GRM4: variants seen among roughly 807,000 people sequenced by gnomAD.
GRM4 encodes glutamate metabotropic receptor 4.
In GRM4, 28 loss-of-function variants were observed where a neutral mutation model predicts 81.7. The ratio of observed to expected loss-of-function variants is 0.34; its 90% confidence interval spans 0.25 to 0.47. The LOEUF (loss-of-function observed/expected upper bound fraction) is 0.47. GRM4 is among the 20% of genes least tolerant of loss of function. The pLI is 1.00. For missense variants in GRM4, 948 were observed against 1,290.0 expected (o/e 0.73, Z 4.06); for synonymous variants, 488 against 528.8 (o/e 0.92, Z 1.06).
At chr6:34,145,636 A>G (rs1770899241) in intron 1 of GRM4, among the ~76,000 whole-genome samples, 1 of 152,114 alleles carries the variant, frequency 6.6e-6, no homozygotes, top group Non-Finnish European at 1.5e-5. Flanking sequence ...GAAGGCGCTG[A>G]GAGGGGAGGC....
chr6:34,123,234 G>A (rs1312482645), intron 2 of GRM4, among the ~76,000 whole-genome samples: 2 of 152,146 alleles, frequency 1.3e-5, no homozygotes, highest in Non-Finnish European at 2.9e-5. Context: ...CCGCAGCAGG[G>A]CCACCCAACA....
At chr6:34,148,492 G>T (rs1770986736), upstream of GRM4, among the ~76,000 whole-genome samples, 1 of 152,164 alleles carries the variant, frequency 6.6e-6, no homozygotes, top group African/African-American at 2.4e-5. Flanking sequence ...CCCTGGGGGA[G>T]CTAGGGGACC....
In GRM4 at chr6:34,092,849, G is replaced by A. The variant is rs750929680; in HGVS notation, c.520-750C>T. On this transcript the variant is annotated intron_variant, in intron 2 of 10. Transcript: ENST00000538487. This position sits in a 1 kb window ranked among gnomAD's most constrained non-coding sequence, Gnocchi z 6.8. The stretch of plus-strand genomic sequence containing the variant: ...ACAGGCCCCACCTGGACCCTCCCCA[G>A]GCAGGAATGAGACTCAGACCCCCTG... 1.8e-4 allele frequency among the ~76,000 whole-genome samples: 28 copies of A among 152,084 alleles called. No individual in the cohort carries two copies. Among genetic ancestry groups the A allele is most frequent in the Non-Finnish European group, 3.4e-4 (23 of 67,980 alleles).
Position 34,092,567 on chromosome 6 carries a change from A to G in GRM4, c.520-468T>C, listed in dbSNP as rs1037163190. On this transcript the variant is annotated intron_variant, in intron 2 of 10. Coordinates refer to ENST00000538487, the MANE Select transcript of GRM4 (RefSeq NM_000841.4). This position sits in a 1 kb window ranked among gnomAD's most constrained non-coding sequence, Gnocchi z 6.8. ...TGTCCCCACAGCTCTCTGCCAGCTC[A>G]GCCTCCTTCCTCGTGCCCTGCTCAG... 1.3e-5 allele frequency among the ~76,000 whole-genome samples: 2 copies of G among 152,076 alleles called. No homozygotes were observed. Among genetic ancestry groups the G allele is most frequent in the Admixed American group, 6.5e-5 (1 of 15,270 alleles).
chr6:34,046,175 C>T (rs1765354611), intron 6 of GRM4, among the ~76,000 whole-genome samples: 1 of 152,162 alleles, frequency 6.6e-6, no homozygotes, highest in South Asian at 2.1e-4. Flanking sequence ...AGCTCCCTCA[C>T]GCCAGGGTAG....
intron 6 of GRM4, 186 bp downstream of exon 6, chr6:34,056,358 G>T (rs1302316309): frequency 5.0e-6 from 3 of 598,086 alleles, no homozygotes; most frequent in Non-Finnish European, 8.9e-6. Context: ...CAAATCTGCT[G>T]TGGCCCCGCC....
chr6:34,134,987 A>G (rs1291395451), intron 1 of GRM4, among the ~76,000 whole-genome samples: 1 of 152,186 alleles, frequency 6.6e-6, no homozygotes, highest in Non-Finnish European at 1.5e-5. Context: ...GGGAGAAGGG[A>G]TGGAAGCTGA....
chr6:34,058,319 C>T (rs1322274145), intron 5 of GRM4, among the ~76,000 whole-genome samples: 1 of 152,120 alleles, frequency 6.6e-6, no homozygotes, highest in Non-Finnish European at 1.5e-5. Context: ...TGAGCAAGTC[C>T]CTCCCCTCCT....
chr6:34,041,754 C>T (rs1450595614), intron 6 of GRM4, among the ~76,000 whole-genome samples: 5 of 152,164 alleles, frequency 3.3e-5, no homozygotes, highest in Admixed American at 6.5e-5. Context: ...GCAGGTGGGA[C>T]GACTTTGTGG....
intron 2 of GRM4, among the ~76,000 whole-genome samples, chr6:34,118,413 AG>A (rs1254953632): frequency 6.6e-6 from 1 of 152,194 alleles, no homozygotes; most frequent in East Asian, 1.9e-4. Flanking sequence ...GGGCAGGGGC[AG>A]GGCACTGTGC....
intron 3 of GRM4, among the ~76,000 whole-genome samples, chr6:34,085,292 C>T (rs1437556518): frequency 1.3e-5 from 2 of 152,212 alleles, no homozygotes; most frequent in Admixed American, 6.5e-5. Context: ...AGCAGCACTG[C>T]AGGATGAAGC....
At chr6:34,108,882 C>T (rs576701137) in intron 2 of GRM4, among the ~76,000 whole-genome samples, 4 of 152,130 alleles carry the variant, frequency 2.6e-5, no homozygotes, top group Non-Finnish European at 4.4e-5. Flanking sequence ...TACCGGTGCA[C>T]CTCGAGGTCC....
chr6:34,151,592 G>A (rs1197195054), intron 1 of GRM4, among the ~76,000 whole-genome samples: 1 of 152,178 alleles, frequency 6.6e-6, no homozygotes, highest in Non-Finnish European at 1.5e-5. Flanking sequence ...CCAGGTGACA[G>A]GCACGGGAGG....
chr6:34,107,827 G>A lies in GRM4; in HGVS notation c.520-15728C>T, dbSNP rs148567556. Among the ~76,000 whole-genome samples, 494 of 152,316 alleles carry A rather than the reference G, an allele frequency of 3.2e-3. 3 individuals are homozygous for A. Among genetic ancestry groups the A allele is most frequent in the African/African-American group, 0.011 (461 of 41,568 alleles). The stretch of plus-strand genomic sequence containing the variant: ...GTGAGAGAAGACAGCAGCCTGGACC[G>A]GGGTGTCTATGGAGATGGAGAGAAA... On this transcript the variant is annotated intron_variant, in intron 2 of 10. Transcript: ENST00000538487.
At chr6:34,153,368 G>A (rs545940662) in intron 1 of GRM4, among the ~76,000 whole-genome samples, 176 of 152,316 alleles carry the variant, frequency 1.2e-3, no homozygotes, top group African/African-American at 3.8e-3. Context: ...CCAGCTCCAA[G>A]CCTCCATCCC....
intron 3 of GRM4, among the ~76,000 whole-genome samples, chr6:34,082,060 GCCTGCGGGACAGATCCCTGTCCAGTGGGA>G (rs1767627820): frequency 3.3e-5 from 1 of 30,164 alleles, no homozygotes; most frequent in African/African-American, 4.0e-4. Flanking sequence ...TCCAATGGGA[GCCTGCGGGACAGATCCCTGTCCAGTGGGA>G]GCCTGCGGGA....
chr6:34,040,180 T>C lies in GRM4; in HGVS notation c.1504A>G (p.Arg502Gly). The C allele has an allele frequency of 6.2e-7, 1 of 1,613,754 alleles. No individual in the cohort carries two copies. Among genetic ancestry groups the C allele is most frequent in the Non-Finnish European group, 8.5e-7 (1 of 1,179,666 alleles). Residue 502 changes from arginine (R) to glycine (G), a missense_variant and splice_region_variant, in exon 8 of 11, where the codon AGA (arginine) becomes GGA (glycine). Coordinates refer to ENST00000538487, the MANE Select transcript of GRM4 (RefSeq NM_000841.4). Reference protein sequence around the residue: ...IGSWTDHLHLRIERMHWPGSG... With the variant: ...IGSWTDHLHLGIERMHWPGSG... ...CCACTCCCTGCCCTCCCACTTACTC[T>C]AAGGTGCAGGTGGTCAGTCCAGGAG...
intron 6 of GRM4, among the ~76,000 whole-genome samples, chr6:34,044,557 CACAG>C (rs1395335730): frequency 1.3e-5 from 2 of 151,250 alleles, no homozygotes; most frequent in East Asian, 1.9e-4. Context: ...CACACAAACA[CACAG>C]ACATACATAC....
chr6:34,083,791 A>G (rs1767736474), intron 3 of GRM4, among the ~76,000 whole-genome samples: 1 of 152,186 alleles, frequency 6.6e-6, no homozygotes, highest in African/African-American at 2.4e-5. Context: ...GATACAAGCT[A>G]AAGCCAGCGG....
Sources: gnomAD v4.1 joint callset for allele counts (sites outside exome capture counted in the v4.1 genomes callset) on GRCh38, gnomAD v4.1.1 for gene constraint, Gnocchi (gnomAD v3.1) non-coding constraint, MANE v1.5 for transcripts, NCBI Gene and HGNC (gene_info 2026-07-23, HGNC 2026-07-21) for gene names.